Variants in EYA2 observed in about 807,000 individuals in gnomAD.
The protein encoded by EYA2 is EYA transcriptional coactivator and phosphatase 2, also known as protein phosphatase EYA2.
A neutral mutation model predicts 69.2 loss-of-function variants in EYA2; 31 were observed. That is an observed-to-expected ratio of 0.45 (90% confidence interval 0.34 to 0.60). EYA2 has a LOEUF of 0.60. Ranked by LOEUF, EYA2 falls within the 20% of genes least tolerant of loss-of-function variation. The probability of loss-of-function intolerance (pLI) is 0.02; values close to 1 mark genes in which losing one functional copy is unlikely to be tolerated. For missense variants in EYA2, 622 were observed against 701.2 expected, an observed-to-expected ratio of 0.89 and a Z score of 1.28; for synonymous variants, 257 against 279.4, an observed-to-expected ratio of 0.92 and a Z score of 0.80.
At chr20:47,165,723 C>T (rs370757217) in intron 10 of EYA2, among the ~76,000 whole-genome samples, 272 of 152,254 alleles carry the variant, frequency 1.8e-3, no homozygotes, top group African/African-American at 6.1e-3. Flanking sequence ...TCATCAAAAC[C>T]CTTTCTAATC....
chr20:46,979,940 A>C (rs568149135), intron 1 of EYA2, among the ~76,000 whole-genome samples: 131 of 152,322 alleles, frequency 8.6e-4, no homozygotes, highest in African/African-American at 3.0e-3. Flanking sequence ...ACTGAGGCTC[A>C]GATAAGTGAA....
chr20:47,039,516 C>CCCTGATCTA (rs1413092763), intron 5 of EYA2, among the ~76,000 whole-genome samples: 1 of 152,140 alleles, frequency 6.6e-6, no homozygotes, highest in East Asian at 1.9e-4. Context: ...TTTTCCCGTC[C>CCCTGATCTA]CCTGATCTAG....
At chr20:47,026,053 T>C (rs1984062773) in intron 5 of EYA2, among the ~76,000 whole-genome samples, 1 of 152,230 alleles carries the variant, frequency 6.6e-6, no homozygotes, top group Non-Finnish European at 1.5e-5. Flanking sequence ...AAGCATATCA[T>C]AAAGCTTCAA....
rs575377084 is a variant in EYA2 at position 47,070,997 on chromosome 20, C to T, written c.416-1188C>T. 2.6e-5 allele frequency among the ~76,000 whole-genome samples: 4 copies of T among 151,794 alleles called. No individual in the cohort carries two copies. The East Asian group carries it at 5.8e-4, about 22-fold the overall frequency. On this transcript the variant is annotated intron_variant, in intron 5 of 15. Transcript: ENST00000327619. ...CCAAGTAGCTGGAACTATAGGCATG[C>T]GCCACCACACCTGGAATTTTTTTTT...
intron 5 of EYA2, among the ~76,000 whole-genome samples, chr20:47,057,510 A>ACCCCCCCC (rs796462817): frequency 2.6e-4 from 25 of 94,754 alleles, no homozygotes; most frequent in African/African-American, 4.1e-4. Flanking sequence ...TTTTTATATC[A>ACCCCCCCC]CCCCCCCCCC....
intron 5 of EYA2, among the ~76,000 whole-genome samples, chr20:47,057,725 A>G (rs2030701079): frequency 6.6e-6 from 1 of 152,248 alleles, no homozygotes; most frequent in African/African-American, 2.4e-5. Context: ...GGGATTACCC[A>G]TGAGGCCTCC....
At chr20:47,005,989 G>A (rs1457174537) in intron 4 of EYA2, among the ~76,000 whole-genome samples, 1 of 152,232 alleles carries the variant, frequency 6.6e-6, no homozygotes, top group African/African-American at 2.4e-5. Flanking sequence ...AAAACCTAGG[G>A]CACTGGCTTC....
intron 8 of EYA2, among the ~76,000 whole-genome samples, chr20:47,094,138 G>A (rs207477609): frequency 6.6e-6 from 1 of 152,228 alleles, no homozygotes; most frequent in African/African-American, 2.4e-5. Flanking sequence ...GGATGGTGAG[G>A]TAGTAGGAGA....
chr20:47,079,172 A>G (rs1159056103), intron 7 of EYA2, among the ~76,000 whole-genome samples: 1 of 152,174 alleles, frequency 6.6e-6, no homozygotes, highest in Non-Finnish European at 1.5e-5. Context: ...TGCAGTAGAA[A>G]ATTTTTTGCT....
chr20:47,038,079 AT>A (rs1194356351), intron 5 of EYA2, among the ~76,000 whole-genome samples: 1 of 152,198 alleles, frequency 6.6e-6, no homozygotes, highest in Non-Finnish European at 1.5e-5. Context: ...ATGTATATAT[AT>A]TTTTAATTTT....
chr20:46,894,937 GGCCC>G lies in EYA2; in HGVS notation c.-46_-43del, dbSNP rs957647329. The G allele has an allele frequency of 2.6e-5, 4 of 151,394 alleles. No homozygotes were observed. The highest frequency in any genetic ancestry group is 2.1e-4 in the South Asian group (1 of 4,872). The allele number at this position is 151,394 out of a possible 1,614,324, so 9.4% of individuals were successfully genotyped here. On this transcript the variant is annotated 5_prime_UTR_variant, in exon 1 of 16. Coordinates refer to ENST00000327619, the MANE Select transcript of EYA2 (RefSeq NM_005244.5). ...AGCCCGGCCTCGTCGGACCCGCACCGGCCCGCCCGCCCGCCCGCACCGCGTCGGG... is the reference window on the plus strand; with the variant it reads ...AGCCCGGCCTCGTCGGACCCGCACCGGCCCGCCCGCCCGCACCGCGTCGGG...
In EYA2 at chr20:46,925,927, G is replaced by A. The variant is rs1293580333; in HGVS notation, c.-11+30940G>A. Among the ~76,000 whole-genome samples the A allele has an allele frequency of 5.3e-5, 8 of 151,700 alleles. No homozygotes were observed. The East Asian group carries it at 1.4e-3, about 26-fold the overall frequency. On this transcript the variant is annotated intron_variant, in intron 1 of 15. Coordinates refer to ENST00000327619, the MANE Select transcript of EYA2 (RefSeq NM_005244.5). Reference sequence around the variant, plus strand: ...TGTCCAGGTGCTCACAGATAATAGAGAATTGGTCACATAACTTGGTATCTC... The same window carrying A: ...TGTCCAGGTGCTCACAGATAATAGAAAATTGGTCACATAACTTGGTATCTC...
At chr20:47,097,408 T>G (rs2032283141) in intron 9 of EYA2, among the ~76,000 whole-genome samples, 1 of 152,222 alleles carries the variant, frequency 6.6e-6, no homozygotes, top group Middle Eastern at 3.2e-3. Flanking sequence ...GCAATCAACA[T>G]TTACTTGATA....
chr20:47,082,724 T>C (rs1799785706), intron 7 of EYA2, among the ~76,000 whole-genome samples: 1 of 152,194 alleles, frequency 6.6e-6, no homozygotes, highest in Admixed American at 6.5e-5. Flanking sequence ...AAGCTGTTTC[T>C]GAACTTTAAA....
At chr20:47,123,493 G>A (rs1316438238) in intron 9 of EYA2, among the ~76,000 whole-genome samples, 1 of 152,218 alleles carries the variant, frequency 6.6e-6, no homozygotes, top group Non-Finnish European at 1.5e-5. Context: ...GACCTGTCTG[G>A]AGTTCCCAAG....
chr20:47,011,042 G>A (rs758525953), intron 4 of EYA2, among the ~76,000 whole-genome samples: 2 of 152,124 alleles, frequency 1.3e-5, no homozygotes, highest in Non-Finnish European at 1.5e-5. Context: ...GCCTGCCTCA[G>A]CATCCCAAAG....
intron 1 of EYA2, among the ~76,000 whole-genome samples, chr20:46,945,008 G>C (rs554546030): frequency 2.1e-3 from 317 of 152,214 alleles, no homozygotes; most frequent in Middle Eastern, 6.8e-3. Context: ...GGAGGCTGGA[G>C]CAGGAGGATC....
At chr20:46,947,765 G>A (rs1007752986) in intron 1 of EYA2, among the ~76,000 whole-genome samples, 1 of 152,158 alleles carries the variant, frequency 6.6e-6, no homozygotes, top group Non-Finnish European at 1.5e-5. Context: ...GTGAAGAAGT[G>A]CAGCCCTACT....
intron 5 of EYA2, among the ~76,000 whole-genome samples, chr20:47,061,649 A>T (rs1464784048): frequency 2.6e-5 from 4 of 152,220 alleles, no homozygotes; most frequent in African/African-American, 9.6e-5. Context: ...GCTGGTCTAC[A>T]GTAACAAATA....
Sources: allele counts gnomAD v4.1 joint callset (sites outside exome capture counted in the v4.1 genomes callset), GRCh38; gene constraint gnomAD v4.1.1; transcripts MANE v1.5; gene names NCBI Gene and HGNC (gene_info 2026-07-23, HGNC 2026-07-21).